RAB14: variants seen among roughly 807,000 people sequenced by gnomAD.
RAB14 encodes ras-related protein Rab-14.
A neutral mutation model predicts 31.1 loss-of-function variants in RAB14; 3 were observed. The observed-to-expected ratio is 0.10, with a 90% CI of 0.04 to 0.25. The LOEUF is 0.25. Among genes scored for constraint, RAB14 ranks in the 10% least tolerant of loss-of-function variants. The pLI is 1.00. For missense variants in RAB14, 111 were observed against 260.1 expected (o/e 0.43, Z 3.94); for synonymous variants, 85 against 84.9 (o/e 1.00, Z 0.00).
At position 121,182,910 on chromosome 9, in the gene RAB14, T is replaced by C; in HGVS notation, c.470+20A>G. Reference sequence around the variant, plus strand: ...GAAACTTGAATATAATTGAAATATCTGTATTTTGGTCACACTTACGTTTTT... The same window carrying C: ...GAAACTTGAATATAATTGAAATATCCGTATTTTGGTCACACTTACGTTTTT... On this transcript the variant is annotated intron_variant, in intron 7 of 7. Transcript: ENST00000373840. 6.3e-7 allele frequency: 1 copy of C among 1,595,186 alleles called. No homozygotes were observed. The highest frequency in any genetic ancestry group is 8.6e-7 in the Non-Finnish European group (1 of 1,166,408).
chr9:121,178,632 CAA>C lies in RAB14; in HGVS notation c.*2762_*2763del, dbSNP rs984858617. The stretch of plus-strand genomic sequence containing the variant: ...ATGTATGAAGCTTAACAGCTGGCTT[CAA>C]AAGACACCTTTCCAAAGAAATTGTA... On this transcript the variant is annotated 3_prime_UTR_variant, in exon 8 of 8. Coordinates refer to ENST00000373840, the MANE Select transcript of RAB14 (RefSeq NM_016322.4). 1 of 152,406 alleles carries C rather than the reference CAA, an allele frequency of 6.6e-6. No individual in the cohort carries two copies. The highest frequency in any genetic ancestry group is 2.4e-5 in the African/African-American group (1 of 41,362). The allele number at this position is 152,406 out of a possible 1,614,324, so 9.4% of individuals were successfully genotyped here. A position where few individuals can be genotyped will look rare whatever the true frequency, so the allele number is the denominator to read the frequency against.
In RAB14 at chr9:121,180,529, A is replaced by T. The variant is rs2132020252; in HGVS notation, c.*867T>A. ...TCTTTCCAGCATAATGTCCCCAAAC[A>T]CTGCCAGCACCAAGGGGTGGAGCCA... On this transcript the variant is annotated 3_prime_UTR_variant, in exon 8 of 8. Coordinates refer to ENST00000373840, the MANE Select transcript of RAB14 (RefSeq NM_016322.4). 1 of 152,756 alleles carries T rather than the reference A, an allele frequency of 6.5e-6. No homozygotes were observed. Among genetic ancestry groups the T allele is most frequent in the African/African-American group, 2.4e-5 (1 of 41,574 alleles). The allele number at this position is 152,756 out of a possible 1,614,324, so 9.5% of individuals were successfully genotyped here. A position where few individuals can be genotyped will look rare whatever the true frequency, so the allele number is the denominator to read the frequency against.
In RAB14 at chr9:121,181,303, G is replaced by A. The variant is rs2053631834; in HGVS notation, c.*93C>T. On this transcript the variant is annotated 3_prime_UTR_variant, in exon 8 of 8. Transcript: ENST00000373840. ...TTTTCTTTTTTTTTAATTAAACCCA[G>A]TAAGATGTACAGAAGACAATGAGGC... is the stretch of plus-strand genomic sequence containing the variant. 1 of 1,252,024 alleles carries A rather than the reference G, an allele frequency of 8.0e-7. No homozygotes were observed. Among genetic ancestry groups the A allele is most frequent in the South Asian group, 2.3e-5 (1 of 44,186 alleles). 77.6% of individuals were successfully genotyped at this position (1,252,024 alleles called of 1,614,324 possible). A position where few individuals can be genotyped will look rare whatever the true frequency, so the allele number is the denominator to read the frequency against.
At position 121,196,700 on chromosome 9, in the gene RAB14, G is replaced by A. The variant is rs148180230; in HGVS notation, c.-7-3281C>T. Among the ~76,000 whole-genome samples the A allele has an allele frequency of 3.9e-3, 599 of 152,124 alleles. 7 individuals are homozygous for A. The highest frequency in any genetic ancestry group is 3.7e-3 in the Non-Finnish European group (249 of 67,982). On this transcript the variant is annotated intron_variant, in intron 1 of 7. Coordinates refer to ENST00000373840, the MANE Select transcript of RAB14 (RefSeq NM_016322.4). ...CCATGTAGCTCTGCAGTATTCACTC[G>A]CTTAATTATAATTTAATATTCTGAA...
chr9:121,197,943 T>A (rs1289863289), intron 1 of RAB14, among the ~76,000 whole-genome samples: 1 of 152,054 alleles, frequency 6.6e-6, no homozygotes, highest in Non-Finnish European at 1.5e-5. Flanking sequence ...TGCATTAACC[T>A]GGAAATACAT....
chr9:121,190,340 T>C (rs921145030), intron 4 of RAB14, among the ~76,000 whole-genome samples: 13 of 152,120 alleles, frequency 8.5e-5, no homozygotes, highest in African/African-American at 3.1e-4. Flanking sequence ...ACCCAATAAC[T>C]AACTCCCTAA....
intron 1 of RAB14, among the ~76,000 whole-genome samples, chr9:121,197,130 G>A (rs954444757): frequency 2.0e-5 from 3 of 152,174 alleles, no homozygotes; most frequent in Admixed American, 6.5e-5. Context: ...ATCAGAGAAA[G>A]AGGAAGGATA....
chr9:121,199,359 G>C (rs2053738403), intron 1 of RAB14, among the ~76,000 whole-genome samples: 1 of 152,200 alleles, frequency 6.6e-6, no homozygotes, highest in South Asian at 2.1e-4. Context: ...CTTTTTAAAA[G>C]TCAAGTACAG....
intron 1 of RAB14, among the ~76,000 whole-genome samples, chr9:121,200,726 G>C (rs1323943570): frequency 1.3e-5 from 2 of 152,196 alleles, no homozygotes; most frequent in Admixed American, 6.5e-5. Flanking sequence ...GCCACAGTGT[G>C]AGCCGAAGCC....
rs2053618479 is a variant in RAB14, at chr9:121,179,150, G to A, written c.*2246C>T. ...AATAAAGCTGTGGGTCTATTACTTA[G>A]TGATGTGGTTTTATATGCTACATAC... On this transcript the variant is annotated 3_prime_UTR_variant, in exon 8 of 8. Coordinates refer to ENST00000373840, the MANE Select transcript of RAB14 (RefSeq NM_016322.4). 1 of 152,180 alleles carries A rather than the reference G, an allele frequency of 6.6e-6. No homozygotes were observed. Among genetic ancestry groups the A allele is most frequent in the African/African-American group, 2.4e-5 (1 of 41,438 alleles). 9.4% of individuals were successfully genotyped at this position (152,180 alleles called of 1,614,324 possible). A position where few individuals can be genotyped will look rare whatever the true frequency, so the allele number is the denominator to read the frequency against.
intron 5 of RAB14, among the ~76,000 whole-genome samples, chr9:121,184,179 G>A (rs997614711): frequency 6.6e-6 from 1 of 152,178 alleles, no homozygotes; most frequent in Non-Finnish European, 1.5e-5. Context: ...AAAGGATTGA[G>A]TTTATAGTTA....
chr9:121,190,075 A>G (rs564616122), intron 4 of RAB14, among the ~76,000 whole-genome samples: 135 of 152,222 alleles, frequency 8.9e-4, no homozygotes, highest in African/African-American at 3.2e-3. Flanking sequence ...AGAAAAAAAA[A>G]TTAGTAAATA....
chr9:121,194,272 C>T (rs2053703280), intron 1 of RAB14, among the ~76,000 whole-genome samples: 1 of 152,148 alleles, frequency 6.6e-6, no homozygotes, highest in Non-Finnish European at 1.5e-5. Context: ...GCTTCCCATA[C>T]ACTATTCTAG....
chr9:121,182,466 C>T (rs2053638519), intron 7 of RAB14, among the ~76,000 whole-genome samples: 2 of 152,208 alleles, frequency 1.3e-5, no homozygotes, highest in South Asian at 4.1e-4. Context: ...GGGTGTACCA[C>T]AGTTCAATAG....
At chr9:121,188,604 G>C (rs2053670438) in intron 4 of RAB14, among the ~76,000 whole-genome samples, 1 of 151,332 alleles carries the variant, frequency 6.6e-6, no homozygotes, top group Admixed American at 6.6e-5. Flanking sequence ...GTCACGACAA[G>C]CTACGCTGTC....
Position 121,179,574 on chromosome 9 carries a change from G to T in RAB14, c.*1822C>A, listed in dbSNP as rs948341555. On this transcript the variant is annotated 3_prime_UTR_variant, in exon 8 of 8. Transcript: ENST00000373840. ...GGTCCCTGGGTGAGTCCCTTGTGAT[G>T]CAACAGTGTAAGCAAAATGGATCAC... 3 of 152,624 alleles carry T rather than the reference G, an allele frequency of 2.0e-5. No individual in the cohort carries two copies. Among genetic ancestry groups the T allele is most frequent in the Non-Finnish European group, 2.9e-5 (2 of 68,032 alleles). The allele number at this position is 152,624 out of a possible 1,614,324, so 9.5% of individuals were successfully genotyped here.
At chr9:121,183,901 T>C (rs2053646406) in intron 5 of RAB14, among the ~76,000 whole-genome samples, 1 of 152,198 alleles carries the variant, frequency 6.6e-6, no homozygotes. Flanking sequence ...CTTGAAATAC[T>C]GTAAATACTG....
intron 7 of RAB14, 39 bp downstream of exon 7, chr9:121,182,889 CTT>C: frequency 1.3e-6 from 2 of 1,563,224 alleles, no homozygotes; most frequent in Non-Finnish European, 1.8e-6. Flanking sequence ...CTTTGAGAAA[CTT>C]GAATATAATT....
At chr9:121,194,783 C>T (rs563441724) in intron 1 of RAB14, among the ~76,000 whole-genome samples, 1 of 152,014 alleles carries the variant, frequency 6.6e-6, no homozygotes, top group African/African-American at 2.4e-5. Context: ...CAACATTGAA[C>T]CCGTAGAAAG....
Sources: gnomAD v4.1 joint callset for allele counts (sites outside exome capture counted in the v4.1 genomes callset) on GRCh38, gnomAD v4.1.1 for gene constraint, MANE v1.5 for transcripts, NCBI Gene and HGNC (gene_info 2026-07-23, HGNC 2026-07-21) for gene names.